ADAM23: variants seen among roughly 807,000 people sequenced by gnomAD.
The protein encoded by ADAM23 is disintegrin and metalloproteinase domain-containing protein 23.
ADAM23 carries 33 observed loss-of-function variants against 120.1 expected under a neutral mutation model. That is an observed-to-expected ratio of 0.27 (90% CI 0.21 to 0.37). ADAM23 has a LOEUF of 0.37. ADAM23 is among the 10% of genes least tolerant of loss of function. The pLI, the probability that ADAM23 is intolerant of heterozygous loss-of-function variation, is 1.00. For synonymous variants in ADAM23, 367 were observed against 375.2 expected, an observed-to-expected ratio of 0.98 and a Z score of 0.25; for missense variants, 862 against 1,058.2, an observed-to-expected ratio of 0.81 and a Z score of 2.57.
At chr2:206,543,151 A>C (rs892515704) in intron 5 of ADAM23, 102 bp from the exon 6 acceptor site, 3 of 1,008,384 alleles carry the variant, frequency 3.0e-6, no homozygotes, top group Non-Finnish European at 3.1e-6. Context: ...TTGTTCAGTT[A>C]TACTCTTTAT....
intron 3 of ADAM23, among the ~76,000 whole-genome samples, chr2:206,493,049 T>C (rs1020912270): frequency 2.2e-4 from 34 of 152,314 alleles, no homozygotes; most frequent in Admixed American, 2.2e-3. Context: ...TTATATAAAG[T>C]AAGGGCTTGA....
At chr2:206,600,428 A>G (rs866305103) in intron 24 of ADAM23, among the ~76,000 whole-genome samples, 14 of 152,176 alleles carry the variant, frequency 9.2e-5, no homozygotes, top group Non-Finnish European at 7.3e-5. Flanking sequence ...ATGTGCTTCC[A>G]TTATATAGAG....
At chr2:206,592,540 A>C in intron 21 of ADAM23, 77 bp from the exon 22 acceptor site, 1 of 1,535,322 alleles carries the variant, frequency 6.5e-7, no homozygotes, top group Non-Finnish European at 8.9e-7. Flanking sequence ...ATTTGAATCA[A>C]TGTGGACCGA....
At chr2:206,502,724 G>A (rs1287250533) in intron 3 of ADAM23, among the ~76,000 whole-genome samples, 1 of 152,066 alleles carries the variant, frequency 6.6e-6, no homozygotes, top group Non-Finnish European at 1.5e-5. Flanking sequence ...CAACCAACCC[G>A]ATGTGTTTTA....
Position 206,462,496 on chromosome 2 carries a change from T to G in ADAM23, c.432+16972T>G, listed in dbSNP as rs546199466. Among the ~76,000 whole-genome samples the G allele has an allele frequency of 3.2e-4, 48 of 152,336 alleles. No homozygotes were observed. The South Asian group carries it at 9.9e-3, about 32-fold the overall frequency. On this transcript the variant is annotated intron_variant, in intron 2 of 25. Coordinates refer to ENST00000264377, the MANE Select transcript of ADAM23 (RefSeq NM_003812.4). ...GTTCTTCCCCTTTTCGCCCTACCAC[T>G]TCGATTTTTCTTCCTTACTTATTTT...
intron 4 of ADAM23, 54 bp downstream of exon 4, chr2:206,531,002 T>G: frequency 6.7e-7 from 1 of 1,482,186 alleles, no homozygotes; most frequent in Non-Finnish European, 9.4e-7. Context: ...TATCATAGAG[T>G]TGATCAGTGC....
intron 10 of ADAM23, among the ~76,000 whole-genome samples, chr2:206,559,576 A>T (rs550873082): frequency 1.3e-5 from 2 of 152,322 alleles, no homozygotes; most frequent in Admixed American, 6.5e-5. Flanking sequence ...AAATTGTTGC[A>T]CTGCGGTTAC....
At chr2:206,459,371 G>T (rs1183860175) in intron 2 of ADAM23, among the ~76,000 whole-genome samples, 2 of 151,838 alleles carry the variant, frequency 1.3e-5, no homozygotes, top group Non-Finnish European at 1.5e-5. Context: ...CTTTTATTTG[G>T]GATGTTAATC....
At chr2:206,586,350 T>C (rs1021135183) in intron 18 of ADAM23, among the ~76,000 whole-genome samples, 8 of 151,956 alleles carry the variant, frequency 5.3e-5, no homozygotes, top group African/African-American at 1.9e-4. Context: ...TGAGAGGTGG[T>C]GGTGGCTTGG....
chr2:206,585,019 G>A (rs1005860122), intron 18 of ADAM23, among the ~76,000 whole-genome samples: 1 of 152,162 alleles, frequency 6.6e-6, no homozygotes, highest in African/African-American at 2.4e-5. Flanking sequence ...CTTCTCCAGC[G>A]GGGGTGTGTG....
intron 24 of ADAM23, among the ~76,000 whole-genome samples, chr2:206,597,115 C>T (rs1698542720): frequency 6.7e-6 from 1 of 149,572 alleles, no homozygotes. Flanking sequence ...ATCCTCCCGC[C>T]TTGGCCTCTC....
At chr2:206,488,799 GA>G (rs1696067263) in intron 3 of ADAM23, among the ~76,000 whole-genome samples, 1 of 152,180 alleles carries the variant, frequency 6.6e-6, no homozygotes, top group African/African-American at 2.4e-5. Context: ...AGGTGCTTTA[GA>G]CTTTGAAAGG....
chr2:206,553,635 C>G (rs1225233137), intron 9 of ADAM23, among the ~76,000 whole-genome samples: 1 of 151,588 alleles, frequency 6.6e-6, no homozygotes, highest in Non-Finnish European at 1.5e-5. Context: ...TTTTTGAGAG[C>G]TGAAAAAAAT....
At chr2:206,562,160 C>A (rs1185943691) in intron 12 of ADAM23, 43 bp from the exon 13 acceptor site, 1 of 1,520,318 alleles carries the variant, frequency 6.6e-7, no homozygotes, top group East Asian at 2.3e-5. Flanking sequence ...GCTTTGTGCA[C>A]TCTCTCAAAT....
chr2:206,548,814 A>G (rs1380740611), intron 8 of ADAM23, among the ~76,000 whole-genome samples: 3 of 152,174 alleles, frequency 2.0e-5, no homozygotes, highest in East Asian at 3.8e-4. Flanking sequence ...ACTCTGTTAC[A>G]CCAAACTTTA....
At chr2:206,452,867 C>T (rs959087365) in intron 2 of ADAM23, among the ~76,000 whole-genome samples, 6 of 152,106 alleles carry the variant, frequency 3.9e-5, no homozygotes, top group Non-Finnish European at 8.8e-5. Context: ...TAAGTCTTGA[C>T]GTGTCTCCCA....
chr2:206,543,375 G>T, intron 6 of ADAM23, 59 bp downstream of exon 6: 3 of 1,366,278 alleles, frequency 2.2e-6, no homozygotes, highest in South Asian at 2.4e-5. Flanking sequence ...CTTTGTCTTT[G>T]AGAAGAAAAG....
At chr2:206,502,347 T>C (rs550779803) in intron 3 of ADAM23, among the ~76,000 whole-genome samples, 1 of 152,250 alleles carries the variant, frequency 6.6e-6, no homozygotes, top group African/African-American at 2.4e-5. Context: ...CAGAAACTTT[T>C]CTTCTGTGTT....
intron 18 of ADAM23, among the ~76,000 whole-genome samples, chr2:206,584,472 G>A (rs1698282233): frequency 6.6e-6 from 1 of 152,066 alleles, no homozygotes; most frequent in Admixed American, 6.5e-5. Context: ...CAGTTTGTGT[G>A]GGAGCTGGGT....
Sources: gnomAD v4.1 joint callset for allele counts (sites outside exome capture counted in the v4.1 genomes callset) on GRCh38, gnomAD v4.1.1 for gene constraint, MANE v1.5 for transcripts, NCBI Gene and HGNC (gene_info 2026-07-23, HGNC 2026-07-21) for gene names.